PHTF2: variants seen among roughly 807,000 people sequenced by gnomAD.
PHTF2 encodes protein PHTF2.
PHTF2 carries 60 observed loss-of-function variants against 101.2 expected under a neutral mutation model. The observed-to-expected ratio is 0.59, with a 90% confidence interval of 0.48 to 0.73. The LOEUF is 0.73. Ranked by LOEUF, PHTF2 falls within the 30% of genes least tolerant of loss-of-function variation. The pLI is 0.00. For synonymous variants in PHTF2, 311 were observed against 307.3 expected, an observed-to-expected ratio of 1.01 and a Z score of -0.13; for missense variants, 747 against 908.7, an observed-to-expected ratio of 0.82 and a Z score of 2.29.
At chr7:77,843,080 C>A (rs1056975682) in intron 2 of PHTF2, among the ~76,000 whole-genome samples, 5 of 152,078 alleles carry the variant, frequency 3.3e-5, no homozygotes, top group Non-Finnish European at 5.9e-5. Context: ...TTTTCTTGGT[C>A]ATTTTATTGT....
At chr7:77,823,106 G>T (rs1022572646) in intron 1 of PHTF2, among the ~76,000 whole-genome samples, 2 of 151,602 alleles carry the variant, frequency 1.3e-5, no homozygotes, top group Non-Finnish European at 2.9e-5. Context: ...GGGTTTCACC[G>T]TGTTAGCCAG....
intron 3 of PHTF2, among the ~76,000 whole-genome samples, chr7:77,864,488 C>G (rs1468958348): frequency 2.6e-5 from 4 of 152,220 alleles, no homozygotes; most frequent in Non-Finnish European, 5.9e-5. Context: ...AGCTTTGTAG[C>G]CTCATTGCCT....
rs1806089387 is a variant in PHTF2 at position 77,946,871 on chromosome 7, TA to T, written c.1960-2806del. 4.2e-4 allele frequency among the ~76,000 whole-genome samples: 63 copies of T among 151,646 alleles called. 1 individual carries two copies. Among genetic ancestry groups the T allele is most frequent in the Admixed American group, 4.1e-3 (63 of 15,194 alleles). On this transcript the variant is annotated intron_variant, in intron 16 of 19. Coordinates refer to ENST00000416283, the Ensembl canonical transcript of PHTF2. ...GGACAGTGACTCATGGTTATAATCT[TA>T]GCACTTTGGAAGGCCAAGGTGGATG...
intron 3 of PHTF2, among the ~76,000 whole-genome samples, chr7:77,885,977 AG>A (rs1799807926): frequency 6.6e-6 from 1 of 152,212 alleles, no homozygotes; most frequent in African/African-American, 2.4e-5. Context: ...AGGAAAAATT[AG>A]GGCTTTGACA....
At chr7:77,850,430 A>G (rs961027623) in intron 2 of PHTF2, among the ~76,000 whole-genome samples, 3 of 149,106 alleles carry the variant, frequency 2.0e-5, no homozygotes, top group African/African-American at 7.4e-5. Context: ...TCTTGAACCC[A>G]GGAGTTCAAG....
chr7:77,866,977 G>A (rs1798119665), intron 3 of PHTF2, among the ~76,000 whole-genome samples: 1 of 152,162 alleles, frequency 6.6e-6, no homozygotes, highest in Admixed American at 6.5e-5. Context: ...TGAAGGAAAA[G>A]GAAGCATTAG....
At chr7:77,834,268 G>A (rs994030562) in intron 1 of PHTF2, among the ~76,000 whole-genome samples, 4 of 145,144 alleles carry the variant, frequency 2.8e-5, no homozygotes, top group African/African-American at 7.8e-5. Context: ...AGCCCTGATC[G>A]TGCCACTGCA....
At chr7:77,880,386 C>T (rs1274937853) in intron 3 of PHTF2, among the ~76,000 whole-genome samples, 1 of 152,170 alleles carries the variant, frequency 6.6e-6, no homozygotes, top group African/African-American at 2.4e-5. Flanking sequence ...AAATCATTCT[C>T]CCATCTTAGC....
At chr7:77,805,416 C>T (rs947550744) in intron 1 of PHTF2, among the ~76,000 whole-genome samples, 5 of 151,890 alleles carry the variant, frequency 3.3e-5, no homozygotes, top group Non-Finnish European at 5.9e-5. Flanking sequence ...GGTTTCTATT[C>T]GTCTTTATTA....
chr7:77,934,895 G>A (rs1013283944), intron 12 of PHTF2, among the ~76,000 whole-genome samples: 1 of 151,702 alleles, frequency 6.6e-6, no homozygotes, highest in Non-Finnish European at 1.5e-5. Flanking sequence ...GGAGGCGAAG[G>A]TTTCAGTTAG....
intron 2 of PHTF2, among the ~76,000 whole-genome samples, chr7:77,846,621 TCCCTC>T (rs937807585): frequency 8.0e-5 from 8 of 99,676 alleles, no homozygotes; most frequent in Admixed American, 2.3e-4. Context: ...CCCTTCCCCT[TCCCTC>T]CCCTCCCCTC....
chr7:77,946,997 G>C (rs1806102592), intron 16 of PHTF2, among the ~76,000 whole-genome samples: 1 of 151,320 alleles, frequency 6.6e-6, no homozygotes, highest in South Asian at 2.1e-4. Flanking sequence ...ACACATGCCT[G>C]TGATCCCAGC....
intron 3 of PHTF2, among the ~76,000 whole-genome samples, chr7:77,862,446 C>CT (rs1325912953): frequency 1.3e-5 from 2 of 151,992 alleles, no homozygotes; most frequent in Non-Finnish European, 2.9e-5. Flanking sequence ...TTGCTTATGA[C>CT]TTTTTTTGGA....
At chr7:77,855,118 C>A (rs1258286250) in intron 3 of PHTF2, among the ~76,000 whole-genome samples, 6 of 152,256 alleles carry the variant, frequency 3.9e-5, no homozygotes. Flanking sequence ...CCAAGACCTG[C>A]AGTGAGTACC....
At chr7:77,882,272 A>G (rs1799481693) in intron 3 of PHTF2, among the ~76,000 whole-genome samples, 1 of 152,158 alleles carries the variant, frequency 6.6e-6, no homozygotes, top group Admixed American at 6.5e-5. Flanking sequence ...ATGGCTAGCT[A>G]GATATATAAA....
At chr7:77,923,394 C>T (rs1365626049) in intron 11 of PHTF2, 1 of 978,358 alleles carries the variant, frequency 1.0e-6, no homozygotes, top group African/African-American at 1.8e-5. Flanking sequence ...TAAACATTAC[C>T]TTCTACTCTT....
chr7:77,891,813 TG>T (rs1322671127), intron 3 of PHTF2, among the ~76,000 whole-genome samples: 2 of 152,062 alleles, frequency 1.3e-5, no homozygotes, highest in African/African-American at 4.8e-5. Context: ...ACCAAACTCC[TG>T]GGCTCAAGCG....
chr7:77,908,894 C>T lies in PHTF2; in HGVS notation c.547C>T (p.His183Tyr), dbSNP rs763396047. Residue 183 changes from histidine to tyrosine, a missense_variant, in exon 8 of 20, where the codon CAT (histidine) becomes TAT (tyrosine). His to Tyr is a moderately conservative substitution (Grantham distance 83). This residue lies in a region of PHTF2 where 92 missense variants were observed against 98.9 expected (regional missense o/e 0.93). Coordinates refer to ENST00000416283, the Ensembl canonical transcript of PHTF2. ...GCTGATGCTGCTCCTGGGAACTGTG[C>T]ATTGCCAGATTGTTTCCACAAGAAC... The T allele has an allele frequency of 1.3e-5, 21 of 1,612,740 alleles. No homozygotes were observed. Among genetic ancestry groups the T allele is most frequent in the Admixed American group, 5.0e-5 (3 of 59,986 alleles).
intron 5 of PHTF2, among the ~76,000 whole-genome samples, chr7:77,899,595 A>T (rs939911451): frequency 2.6e-5 from 4 of 152,180 alleles, no homozygotes; most frequent in African/African-American, 7.2e-5. Flanking sequence ...ATTTGAAGGG[A>T]TTCAAAGATT....
Sources: gnomAD v4.1 joint callset for allele counts (sites outside exome capture counted in the v4.1 genomes callset) on GRCh38, gnomAD v4.1.1 for gene constraint, gnomAD v4.1.1 regional missense constraint, MANE v1.5 for transcripts, NCBI Gene and HGNC (gene_info 2026-07-23, HGNC 2026-07-21) for gene names.